Variants in ERP44 observed in about 807,000 individuals in gnomAD.
ERP44 encodes endoplasmic reticulum resident protein 44.
In ERP44, 25 loss-of-function variants were observed where a neutral mutation model predicts 53.4. The observed-to-expected ratio is 0.47, with a 90% CI of 0.34 to 0.65. The LOEUF (loss-of-function observed/expected upper bound fraction) is 0.65, where lower values mean the gene tolerates loss of function less well. Ranked by LOEUF, ERP44 falls within the 30% of genes least tolerant of loss-of-function variation. The probability of loss-of-function intolerance (pLI) is 0.01; values close to 1 mark genes in which losing one functional copy is unlikely to be tolerated. For synonymous variants in ERP44, 145 were observed against 161.2 expected (o/e 0.90, Z 0.76); for missense variants, 338 against 493.2 (o/e 0.69, Z 2.98).
At chr9:100,006,080 A>G (rs1254388273) in intron 10 of ERP44, among the ~76,000 whole-genome samples, 1 of 152,224 alleles carries the variant, frequency 6.6e-6, no homozygotes, top group Non-Finnish European at 1.5e-5. Context: ...AATACTACTA[A>G]TGTTCTTGCT....
At chr9:100,054,240 T>A (rs572730957) in intron 3 of ERP44, among the ~76,000 whole-genome samples, 1 of 152,164 alleles carries the variant, frequency 6.6e-6, no homozygotes, top group Non-Finnish European at 1.5e-5. Flanking sequence ...ATTAAATCAA[T>A]AAATTGATAG....
intron 5 of ERP44, 64 bp downstream of exon 5, chr9:100,021,978 G>C (rs754853968): frequency 3.8e-5 from 54 of 1,415,808 alleles, no homozygotes; most frequent in Non-Finnish European, 5.0e-5. Context: ...TTTTTTGTTT[G>C]CATTAGAATT....
intron 10 of ERP44, among the ~76,000 whole-genome samples, chr9:99,987,902 G>C (rs1564083423): frequency 6.6e-6 from 1 of 152,110 alleles, no homozygotes; most frequent in Non-Finnish European, 1.5e-5. Flanking sequence ...TCCATTCAAG[G>C]ACATTCAAGT....
chr9:100,029,080 A>G (rs1215999482), intron 4 of ERP44, among the ~76,000 whole-genome samples: 1 of 152,226 alleles, frequency 6.6e-6, no homozygotes, highest in Non-Finnish European at 1.5e-5. Context: ...TAAAACCAGT[A>G]GAAGAAAACA....
intron 10 of ERP44, 24 bp from the exon 11 acceptor site, chr9:99,985,093 G>A (rs770444536): frequency 2.5e-5 from 37 of 1,475,024 alleles, no homozygotes; most frequent in Admixed American, 3.4e-5. Flanking sequence ...CAAATAAAAT[G>A]TAAACTGTTA....
chr9:99,997,390 T>C (rs1188657148), intron 10 of ERP44, among the ~76,000 whole-genome samples: 1 of 124,514 alleles, frequency 8.0e-6, no homozygotes, highest in Non-Finnish European at 1.6e-5. Context: ...TGATGATCAT[T>C]AGTGATGTTT....
At chr9:100,020,383 T>C (rs1197440063) in intron 6 of ERP44, among the ~76,000 whole-genome samples, 3 of 152,224 alleles carry the variant, frequency 2.0e-5, no homozygotes. Flanking sequence ...AATTGTTAAC[T>C]TGTCCATTTT....
In ERP44 at chr9:99,982,614, A is replaced by G; in HGVS notation, c.1219T>C (p.Ter407GlnextTer44). 1 of 1,527,860 alleles carries G rather than the reference A, an allele frequency of 6.5e-7. No individual in the cohort carries two copies. The highest frequency in any genetic ancestry group is 8.8e-7 in the Non-Finnish European group (1 of 1,138,202). 94.6% of individuals were successfully genotyped at this position (1,527,860 alleles called of 1,614,324 possible). The change falls in exon 12 of 12, where the codon TAA becomes CAA. Residue 407 changes from the stop codon to glutamine (Q), a stop_lost. Transcript: ENST00000262455. ...YTLLRDRDEL* is the reference protein window; with the variant it reads ...YTLLRDRDELQ The stretch of plus-strand genomic sequence containing the variant: ...CTTACAAACTGTTTTTCAAGTTTTT[A>G]AAGCTCATCTCGATCCCTCAATAGA...
intron 1 of ERP44, among the ~76,000 whole-genome samples, chr9:100,069,642 T>TA (rs577300023): frequency 2.7e-4 from 40 of 149,346 alleles, no homozygotes; most frequent in African/African-American, 7.6e-4. Context: ...CCAGTTCAAA[T>TA]AAAAAAAAAA....
intron 6 of ERP44, among the ~76,000 whole-genome samples, chr9:100,019,993 T>A (rs969969919): frequency 6.6e-6 from 1 of 150,552 alleles, no homozygotes; most frequent in Admixed American, 6.6e-5. Flanking sequence ...AAAAGAAAGG[T>A]GAAATTATAG....
intron 4 of ERP44, among the ~76,000 whole-genome samples, chr9:100,027,395 C>T (rs1830664676): frequency 6.6e-6 from 1 of 151,962 alleles, no homozygotes; most frequent in Non-Finnish European, 1.5e-5. Flanking sequence ...TATTAAGAAG[C>T]AAAAACCTTA....
intron 4 of ERP44, among the ~76,000 whole-genome samples, chr9:100,042,613 G>A (rs140183975): frequency 6.6e-6 from 1 of 152,304 alleles, no homozygotes; most frequent in African/African-American, 2.4e-5. Context: ...GCACTCCCAT[G>A]TTCATTGCAG....
intron 1 of ERP44, 25 bp from the exon 2 acceptor site, chr9:100,060,197 T>G (rs981319434): frequency 6.8e-7 from 1 of 1,464,090 alleles, no homozygotes; most frequent in Non-Finnish European, 9.0e-7. Context: ...AATGAGAAAT[T>G]AATAAATGTG....
At chr9:99,992,059 C>G (rs574786146) in intron 10 of ERP44, among the ~76,000 whole-genome samples, 2 of 152,112 alleles carry the variant, frequency 1.3e-5, no homozygotes, top group Non-Finnish European at 2.9e-5. Flanking sequence ...CAGGACCAGA[C>G]GGATTCACAG....
At chr9:100,012,470 A>C (rs1830484746) in intron 8 of ERP44, among the ~76,000 whole-genome samples, 1 of 152,170 alleles carries the variant, frequency 6.6e-6, no homozygotes. Context: ...TCCTCTTTCT[A>C]TGAAACACTC....
At chr9:99,988,485 C>T (rs1830218504) in intron 10 of ERP44, among the ~76,000 whole-genome samples, 1 of 152,158 alleles carries the variant, frequency 6.6e-6, no homozygotes, top group Non-Finnish European at 1.5e-5. Context: ...TAGTCTAGCA[C>T]CATCTCTTGA....
In ERP44 at chr9:100,098,667, T is replaced by A. The variant is rs1004005513; in HGVS notation, c.57+117A>T. 5.7e-6 allele frequency: 5 copies of A among 884,504 alleles called. No homozygotes were observed. In the African/African-American group the frequency reaches 6.7e-5, roughly 12 times the overall value. 54.8% of individuals were successfully genotyped at this position (884,504 alleles called of 1,614,324 possible). A position where few individuals can be genotyped will look rare whatever the true frequency, so the allele number is the denominator to read the frequency against. On this transcript the variant is annotated intron_variant, in intron 1 of 11. Transcript: ENST00000262455. ...GTGAGGGCAGCGGGGGAGGGTGCAC[T>A]CCAAAACACTGCAGGAAAAGACGGA...
chr9:100,084,822 A>G (rs1386206865), intron 1 of ERP44, among the ~76,000 whole-genome samples: 5 of 152,324 alleles, frequency 3.3e-5, no homozygotes, highest in African/African-American at 9.6e-5. Context: ...TCCGTTTTGC[A>G]TTAGAAGTAA....
intron 1 of ERP44, among the ~76,000 whole-genome samples, chr9:100,076,613 T>C (rs911048981): frequency 6.6e-5 from 10 of 152,202 alleles, no homozygotes; most frequent in Non-Finnish European, 1.3e-4. Flanking sequence ...TGGCTAGATA[T>C]GTGATTATAT....
Sources: gnomAD v4.1 joint callset for allele counts (sites outside exome capture counted in the v4.1 genomes callset) on GRCh38, gnomAD v4.1.1 for gene constraint, MANE v1.5 for transcripts, NCBI Gene and HGNC (gene_info 2026-07-23, HGNC 2026-07-21) for gene names.